CSMD1: variants seen among roughly 807,000 people sequenced by gnomAD.
CSMD1 encodes the protein CUB and Sushi multiple domains 1, also known as CUB and sushi domain-containing protein 1.
In CSMD1, 213 loss-of-function variants were observed where a neutral mutation model predicts 417.5. That is an observed-to-expected ratio of 0.51 (90% CI 0.46 to 0.57). The LOEUF is 0.57. CSMD1 is among the 20% of genes least tolerant of loss of function. CSMD1 has a pLI of 0.00. For missense variants in CSMD1, 6,923 were observed against 4,529.7 expected, an observed-to-expected ratio of 1.53 and a Z score of -15.17; for synonymous variants, 2,862 against 1,736.8, an observed-to-expected ratio of 1.65 and a Z score of -16.11.
intron 23 of CSMD1, among the ~76,000 whole-genome samples, chr8:3,331,215 C>G (rs2589294): frequency 0.88 from 131,793 of 149,668 alleles, 58,479 homozygotes; most frequent in East Asian, 0.96. Flanking sequence ...TCCAGCCTGG[C>G]CGACAGAACG....
Position 3,443,096 on chromosome 8 carries a change from G to C in CSMD1, c.1561+25616C>G, listed in dbSNP as rs1563394563. Among the ~76,000 whole-genome samples the C allele has an allele frequency of 1.3e-5, 2 of 152,296 alleles. 1 individual carries two copies. Among genetic ancestry groups the C allele is most frequent in the East Asian group, 3.9e-4 (2 of 5,186 alleles). ...AAATCAAGGCCATGGACTTGCATTTGTACTTATGATGCCTTTTCTAGCAGA... is the reference window on the plus strand; with the variant it reads ...AAATCAAGGCCATGGACTTGCATTTCTACTTATGATGCCTTTTCTAGCAGA... On this transcript the variant is annotated intron_variant, in intron 12 of 69. Transcript: ENST00000635120.
chr8:4,164,092 T>C (rs1018084321), intron 3 of CSMD1, among the ~76,000 whole-genome samples: 20 of 146,326 alleles, frequency 1.4e-4, no homozygotes, highest in African/African-American at 4.0e-4. Flanking sequence ...CCAATACTTA[T>C]CATGTTTTTA....
chr8:3,509,939 G>C (rs892047463), intron 10 of CSMD1, among the ~76,000 whole-genome samples: 1 of 152,114 alleles, frequency 6.6e-6, no homozygotes, highest in African/African-American at 2.4e-5. Flanking sequence ...TGGCATTTCA[G>C]CCTCTCCCAT....
chr8:4,289,752 C>G (rs1797257677), intron 3 of CSMD1, among the ~76,000 whole-genome samples: 1 of 152,186 alleles, frequency 6.6e-6, no homozygotes, highest in Non-Finnish European at 1.5e-5. Context: ...GTGAATAAAA[C>G]ATCTCCACCG....
intron 3 of CSMD1, among the ~76,000 whole-genome samples, chr8:4,063,309 GT>G (rs1459473294): frequency 2.0e-5 from 3 of 151,598 alleles, no homozygotes; most frequent in Admixed American, 6.6e-5. Context: ...TAGTTACAAT[GT>G]AAAAAATAAT....
chr8:3,338,499 G>A (rs1051765739), intron 23 of CSMD1, among the ~76,000 whole-genome samples: 8 of 152,186 alleles, frequency 5.3e-5, no homozygotes, highest in Non-Finnish European at 1.0e-4. Flanking sequence ...AAATTCAGCA[G>A]GGATGAGAAA....
chr8:4,347,836 C>G (rs572549199), intron 3 of CSMD1, among the ~76,000 whole-genome samples: 1 of 104,230 alleles, frequency 9.6e-6, no homozygotes, highest in Non-Finnish European at 1.8e-5. Context: ...TTCTCTCGTT[C>G]AAAGAAACAA....
intron 2 of CSMD1, among the ~76,000 whole-genome samples, chr8:4,445,609 A>G (rs1798736292): frequency 6.6e-6 from 1 of 152,198 alleles, no homozygotes; most frequent in Non-Finnish European, 1.5e-5. Flanking sequence ...CTGTGTGTTC[A>G]GAGTCGAACT....
intron 5 of CSMD1, among the ~76,000 whole-genome samples, chr8:3,809,130 A>T (rs946952464): frequency 2.6e-5 from 4 of 152,042 alleles, no homozygotes; most frequent in African/African-American, 7.2e-5. Flanking sequence ...CTCTATTGGG[A>T]ATATCTTCCT....
intron 3 of CSMD1, among the ~76,000 whole-genome samples, chr8:4,342,203 GTC>G (rs1177991164): frequency 2.9e-4 from 3 of 10,474 alleles, no homozygotes; most frequent in African/African-American, 1.1e-3. Flanking sequence ...GCAGTGCTGT[GTC>G]TGTGTGTGTG....
At chr8:3,937,559 C>A (rs1342625695) in intron 5 of CSMD1, among the ~76,000 whole-genome samples, 2 of 152,078 alleles carry the variant, frequency 1.3e-5, no homozygotes, top group Non-Finnish European at 2.9e-5. Context: ...GCACACTCAA[C>A]AGAATGCAGT....
intron 2 of CSMD1, among the ~76,000 whole-genome samples, chr8:4,507,991 C>A (rs1029624688): frequency 6.7e-6 from 1 of 149,836 alleles, no homozygotes; most frequent in Non-Finnish European, 1.5e-5. Flanking sequence ...CCTACGAACA[C>A]AGACAAAACT....
At chr8:4,016,596 C>T (rs979461948) in intron 4 of CSMD1, among the ~76,000 whole-genome samples, 3 of 152,118 alleles carry the variant, frequency 2.0e-5, no homozygotes, top group African/African-American at 7.2e-5. Context: ...AAGCCTTTCC[C>T]CAGATGAGGA....
intron 7 of CSMD1, among the ~76,000 whole-genome samples, chr8:3,702,905 C>T (rs373735753): frequency 2.0e-5 from 3 of 152,142 alleles, no homozygotes; most frequent in Non-Finnish European, 4.4e-5. Flanking sequence ...GAATAAAGAG[C>T]AGTTCACCAT....
intron 23 of CSMD1, among the ~76,000 whole-genome samples, chr8:3,317,731 C>A (rs931689332): frequency 6.6e-6 from 1 of 152,178 alleles, no homozygotes; most frequent in African/African-American, 2.4e-5. Context: ...ATGCCTTGTA[C>A]ACATTTTAAC....
At chr8:4,668,238 T>C (rs1444839996) in intron 1 of CSMD1, among the ~76,000 whole-genome samples, 1 of 151,980 alleles carries the variant, frequency 6.6e-6, no homozygotes, top group Non-Finnish European at 1.5e-5. Flanking sequence ...GGGCATTCCG[T>C]TGAAAAGCCC....
intron 41 of CSMD1, among the ~76,000 whole-genome samples, chr8:3,138,199 C>T (rs1245470044): frequency 6.6e-6 from 1 of 152,244 alleles, no homozygotes. Context: ...GCACTCCAGC[C>T]TGGACAACAG....
At chr8:4,745,762 T>C (rs765916959) in intron 1 of CSMD1, among the ~76,000 whole-genome samples, 3 of 152,190 alleles carry the variant, frequency 2.0e-5, no homozygotes, top group African/African-American at 4.8e-5. Context: ...TTTAAATCTA[T>C]AGGAACACGC....
At chr8:3,933,426 A>T (rs1444004969) in intron 5 of CSMD1, among the ~76,000 whole-genome samples, 1 of 152,202 alleles carries the variant, frequency 6.6e-6, no homozygotes, top group Non-Finnish European at 1.5e-5. Context: ...TATGACAGAT[A>T]AAACATAGAC....
Sources: allele counts gnomAD v4.1 joint callset (sites outside exome capture counted in the v4.1 genomes callset), GRCh38; gene constraint gnomAD v4.1.1; transcripts MANE v1.5; gene names NCBI Gene and HGNC (gene_info 2026-07-23, HGNC 2026-07-21).